H3C2: variants seen among roughly 807,000 people sequenced by gnomAD.
The protein encoded by H3C2 is histone H3.1.
A neutral mutation model predicts 8.7 loss-of-function variants in H3C2; 13 were observed. That is an observed-to-expected ratio of 1.49 (90% CI 0.97 to 2.37). The LOEUF (loss-of-function observed/expected upper bound fraction) is 2.37. Ranked by LOEUF, H3C2 falls within the 30% of genes most tolerant of loss-of-function variation. The probability of loss-of-function intolerance (pLI) is 0.00; values close to 1 mark genes in which losing one functional copy is unlikely to be tolerated. For synonymous variants in H3C2, 166 were observed against 77.6 expected, an observed-to-expected ratio of 2.14 and a Z score of -5.99; for missense variants, 144 against 190.4, an observed-to-expected ratio of 0.76 and a Z score of 1.44.
At position 26,031,701 on chromosome 6, in the gene H3C2, A is replaced by G. The variant is rs1021682747; in HGVS notation, c.360T>C (p.Ile120=). ...GAGCGAGCTGGATGTCTTTGGGCAT[A>G]ATAGTCACTCGCTTAGCATGGATGG... The part of the protein sequence containing the change: ...LCAIHAKRVT[I]MPKDIQLARR... Residue 120 remains isoleucine (I), a synonymous_variant, in exon 1 of 1, where the codon ATT becomes ATC. Transcript: ENST00000621411. The G allele has an allele frequency of 3.0e-5, 48 of 1,614,204 alleles. No individual in the cohort carries two copies. The highest frequency in any genetic ancestry group is 6.7e-5 in the Admixed American group (4 of 60,016).
rs761987121 is a variant in H3C2 at position 26,031,725 on chromosome 6, G to T, written c.336C>A (p.Ala112=). 3 of 1,614,114 alleles carry T rather than the reference G, an allele frequency of 1.9e-6. No individual in the cohort carries two copies. The Admixed American group carries it at 5.0e-5, about 27-fold the overall frequency. Residue 112 remains alanine, a synonymous_variant, in exon 1 of 1, where the codon GCC becomes GCA. Transcript: ENST00000621411. ...TAATAGTCACTCGCTTAGCATGGAT[G>T]GCGCAAAGGTTTGTGTCCTCAAAGA... is the stretch of plus-strand genomic sequence containing the variant. ...VGLFEDTNLC[A]IHAKRVTIMP...
rs538334250 is a variant in H3C2 at position 26,032,061 on chromosome 6, G to T, written c.-1C>A. ...GAGCTGTCTGTTTAGTACGAGCCAT[G>T]GCAAAACCACAGAAAAGCTTGCCTG... is the stretch of plus-strand genomic sequence containing the variant. On this transcript the variant is annotated 5_prime_UTR_variant, in exon 1 of 1. Coordinates refer to ENST00000621411, the MANE Select transcript of H3C2 (RefSeq NM_003537.4). The T allele has an allele frequency of 3.1e-6, 5 of 1,605,624 alleles. No homozygotes were observed. The East Asian group carries it at 6.7e-5, about 21-fold the overall frequency.
chr6:26,031,841 C>A lies in H3C2; in HGVS notation c.220G>T (p.Glu74Ter). The A allele has an allele frequency of 6.2e-7, 1 of 1,614,252 alleles. No homozygotes were observed. Among genetic ancestry groups the A allele is most frequent in the Non-Finnish European group, 8.5e-7 (1 of 1,180,048 alleles). Reference protein sequence around the residue: ...RKLPFQRLVREIAQDFKTDLR... With the variant: ...RKLPFQRLVR Reference sequence around the variant, plus strand: ...TCGGTCTTGAAGTCTTGGGCGATTTCTCGCACCAGGCGCTGGAACGGCAGC... The same window carrying A: ...TCGGTCTTGAAGTCTTGGGCGATTTATCGCACCAGGCGCTGGAACGGCAGC... The change falls in exon 1 of 1, where the codon GAA (glutamate) becomes TAA (stop). Residue 74 changes from glutamate (E) to a stop codon, truncating the protein, a stop_gained. Coordinates refer to ENST00000621411, the MANE Select transcript of H3C2 (RefSeq NM_003537.4). LOFTEE classifies it high-confidence loss of function.
rs756087316 is a variant in H3C2 at position 26,031,820 on chromosome 6, T to C, written c.241A>G (p.Thr81Ala). 1.2e-6 allele frequency: 2 copies of C among 1,614,160 alleles called. No homozygotes were observed. The highest frequency in any genetic ancestry group is 1.7e-5 in the Admixed American group (1 of 60,028). Reference sequence around the variant, plus strand: ...GCAGAGCTCTGGAAGCGAAGATCGGTCTTGAAGTCTTGGGCGATTTCTCGC... The same window carrying C: ...GCAGAGCTCTGGAAGCGAAGATCGGCCTTGAAGTCTTGGGCGATTTCTCGC... ...LVREIAQDFK[T>A]DLRFQSSAVM... The change falls in exon 1 of 1, where the codon ACC (threonine) becomes GCC (alanine). Residue 81 changes from threonine to alanine, a missense_variant. By Grantham distance (58) the Thr-to-Ala change is moderately conservative. Transcript: ENST00000621411.
chr6:26,031,797 A>C lies in H3C2; in HGVS notation c.264T>G (p.Ser88=), dbSNP rs761309353. 1 of 1,614,128 alleles carries C rather than the reference A, an allele frequency of 6.2e-7. No homozygotes were observed. Among genetic ancestry groups the C allele is most frequent in the African/African-American group, 1.3e-5 (1 of 74,944 alleles). The change falls in exon 1 of 1, where the codon TCT becomes TCG. Residue 88 remains serine (S), a synonymous_variant. Transcript: ENST00000621411. The part of the protein sequence containing the change: ...DFKTDLRFQS[S]AVMALQEACE... ...AAGCCTCCTGCAGCGCCATCACCGC[A>C]GAGCTCTGGAAGCGAAGATCGGTCT...
In H3C2 at chr6:26,031,595, G is replaced by C. The variant is rs1230866071; in HGVS notation, c.*55C>G. ...CAGCTACTTTCGTTGGAATAAGTGG[G>C]TGGCTCTGAAAAGAGCCTTTGGGTT... is the stretch of plus-strand genomic sequence containing the variant. On this transcript the variant is annotated 3_prime_UTR_variant, in exon 1 of 1. Transcript: ENST00000621411. 2 of 1,542,938 alleles carry C rather than the reference G, an allele frequency of 1.3e-6. 1 individual carries two copies. The highest frequency in any genetic ancestry group is 1.8e-6 in the Non-Finnish European group (2 of 1,133,130).
In H3C2 at chr6:26,031,627, CT is replaced by C; in HGVS notation, c.*22del. 6.2e-7 allele frequency: 1 copy of C among 1,607,190 alleles called. No homozygotes were observed. The highest frequency in any genetic ancestry group is 1.3e-5 in the African/African-American group (1 of 74,378). Reference sequence around the variant, plus strand: ...TGAAAAGAGCCTTTGGGTTTTAAGACTGATGAAAAAGTGACTTTACATTTAC... The same window carrying C: ...TGAAAAGAGCCTTTGGGTTTTAAGACGATGAAAAAGTGACTTTACATTTAC... On this transcript the variant is annotated 3_prime_UTR_variant, in exon 1 of 1. Coordinates refer to ENST00000621411, the MANE Select transcript of H3C2 (RefSeq NM_003537.4).
rs1188292385 is a variant in H3C2 at position 26,031,789 on chromosome 6, A to G, written c.272T>C (p.Met91Thr). The change falls in exon 1 of 1, where the codon ATG becomes ACG. Residue 91 changes from methionine to threonine, a missense_variant. Met to Thr is a moderately conservative substitution (Grantham distance 81, BLOSUM62 -1). Transcript: ENST00000621411. ...TDLRFQSSAV[M>T]ALQEACEAYL... ...GGCCTCACAAGCCTCCTGCAGCGCCATCACCGCAGAGCTCTGGAAGCGAAG... is the reference window on the plus strand; with the variant it reads ...GGCCTCACAAGCCTCCTGCAGCGCCGTCACCGCAGAGCTCTGGAAGCGAAG... The G allele has an allele frequency of 1.9e-6, 3 of 1,614,136 alleles. No individual in the cohort carries two copies. Among genetic ancestry groups the G allele is most frequent in the Non-Finnish European group, 1.7e-6 (2 of 1,180,052 alleles).
rs940297172 is a variant in H3C2 at position 26,031,854 on chromosome 6, C to T, written c.207G>A (p.Gln69=). The stretch of plus-strand genomic sequence containing the variant: ...CTTGGGCGATTTCTCGCACCAGGCG[C>T]TGGAACGGCAGCTTCCGAATCAGCA... ...TELLIRKLPF[Q]RLVREIAQDF... Residue 69 remains glutamine, a synonymous_variant, in exon 1 of 1, where the codon CAG becomes CAA. Coordinates refer to ENST00000621411, the MANE Select transcript of H3C2 (RefSeq NM_003537.4). 6.2e-7 allele frequency: 1 copy of T among 1,614,272 alleles called. No individual in the cohort carries two copies. The highest frequency in any genetic ancestry group is 8.5e-7 in the Non-Finnish European group (1 of 1,180,052).
rs1346048271 is a variant in H3C2, at chr6:26,031,844, G to C, written c.217C>G (p.Arg73Gly). Reference protein sequence around the residue: ...IRKLPFQRLVREIAQDFKTDL... With the variant: ...IRKLPFQRLVGEIAQDFKTDL... ...GTCTTGAAGTCTTGGGCGATTTCTC[G>C]CACCAGGCGCTGGAACGGCAGCTTC... The change falls in exon 1 of 1, where the codon CGA (arginine) becomes GGA (glycine). Residue 73 changes from arginine (R) to glycine (G), a missense_variant. Arg to Gly is a moderately radical substitution (Grantham distance 125). Coordinates refer to ENST00000621411, the MANE Select transcript of H3C2 (RefSeq NM_003537.4). 6.2e-7 allele frequency: 1 copy of C among 1,614,118 alleles called. No individual in the cohort carries two copies. Among genetic ancestry groups the C allele is most frequent in the Non-Finnish European group, 8.5e-7 (1 of 1,180,046 alleles).
In H3C2 at chr6:26,031,985, C is replaced by T. The variant is rs938652819; in HGVS notation, c.76G>A (p.Ala26Thr). ...APRKQLATKA[A>T]RKSAPATGGV... ...CCGGTAGCCGGCGCGCTCTTGCGAG[C>T]AGCCTTGGTAGCCAGCTGCTTGCGT... The change falls in exon 1 of 1, where the codon GCT becomes ACT. Residue 26 changes from alanine (A) to threonine (T), a missense_variant. Physicochemically the swap from Ala to Thr is moderately conservative, Grantham distance 58. Coordinates refer to ENST00000621411, the MANE Select transcript of H3C2 (RefSeq NM_003537.4). The T allele has an allele frequency of 6.2e-7, 1 of 1,614,030 alleles. No individual in the cohort carries two copies. Among genetic ancestry groups the T allele is most frequent in the Non-Finnish European group, 8.5e-7 (1 of 1,180,046 alleles).
rs1452431549 is a variant in H3C2 at position 26,031,872 on chromosome 6, A to T, written c.189T>A (p.Ile63=). The T allele has an allele frequency of 6.2e-7, 1 of 1,614,246 alleles. No individual in the cohort carries two copies. The highest frequency in any genetic ancestry group is 8.5e-7 in the Non-Finnish European group (1 of 1,180,048). The change falls in exon 1 of 1, where the codon ATT becomes ATA. Residue 63 remains isoleucine (I), a synonymous_variant. Transcript: ENST00000621411. ...RRYQKSTELL[I]RKLPFQRLVR... is the part of the protein sequence containing the mutation. ...CCAGGCGCTGGAACGGCAGCTTCCG[A>T]ATCAGCAACTCGGTCGACTTTTGGT...
Position 26,031,601 on chromosome 6 carries a change from C to T in H3C2, c.*49G>A, listed in dbSNP as rs1301543434. 1 of 1,579,204 alleles carries T rather than the reference C, an allele frequency of 6.3e-7. No homozygotes were observed. The highest frequency in any genetic ancestry group is 8.6e-7 in the Non-Finnish European group (1 of 1,162,902). ...CTTTCGTTGGAATAAGTGGGTGGCT[C>T]TGAAAAGAGCCTTTGGGTTTTAAGA... On this transcript the variant is annotated 3_prime_UTR_variant, in exon 1 of 1. Coordinates refer to ENST00000621411, the MANE Select transcript of H3C2 (RefSeq NM_003537.4).
chr6:26,031,856 G>T lies in H3C2; in HGVS notation c.205C>A (p.Gln69Lys), dbSNP rs2113678347. The change falls in exon 1 of 1, where the codon CAG becomes AAG. Residue 69 changes from glutamine to lysine, a missense_variant. By Grantham distance (53) the Gln-to-Lys change is moderately conservative. Transcript: ENST00000621411. ...TGGGCGATTTCTCGCACCAGGCGCTGGAACGGCAGCTTCCGAATCAGCAAC... is the reference window on the plus strand; with the variant it reads ...TGGGCGATTTCTCGCACCAGGCGCTTGAACGGCAGCTTCCGAATCAGCAAC... ...TELLIRKLPF[Q>K]RLVREIAQDF... The T allele has an allele frequency of 6.2e-7, 1 of 1,614,256 alleles. No individual in the cohort carries two copies. The highest frequency in any genetic ancestry group is 1.3e-5 in the African/African-American group (1 of 75,078).
Position 26,031,645 on chromosome 6 carries a change from T to TAC in H3C2, c.*3_*4dup. ...TTTAAGACTGATGAAAAAGTGACTTTACATTTACGCTCTTTCTCCGCGAAT... is the reference window on the plus strand; with the variant it reads ...TTTAAGACTGATGAAAAAGTGACTTTACACATTTACGCTCTTTCTCCGCGAAT... On this transcript the variant is annotated 3_prime_UTR_variant, in exon 1 of 1. Transcript: ENST00000621411. 2 of 1,611,784 alleles carry TAC rather than the reference T, an allele frequency of 1.2e-6. No individual in the cohort carries two copies. Among genetic ancestry groups the TAC allele is most frequent in the Non-Finnish European group, 1.7e-6 (2 of 1,179,494 alleles).
chr6:26,032,010 T>A lies in H3C2; in HGVS notation c.51A>T (p.Pro17=), dbSNP rs770313017. 1.2e-6 allele frequency: 2 copies of A among 1,613,842 alleles called. No homozygotes were observed. Among genetic ancestry groups the A allele is most frequent in the African/African-American group, 1.3e-5 (1 of 75,040 alleles). ...TARKSTGGKA[P]RKQLATKAAR... ...CAGCCTTGGTAGCCAGCTGCTTGCGTGGCGCTTTACCGCCGGTGGATTTCC... is the reference window on the plus strand; with the variant it reads ...CAGCCTTGGTAGCCAGCTGCTTGCGAGGCGCTTTACCGCCGGTGGATTTCC... The change falls in exon 1 of 1, where the codon CCA becomes CCT. Residue 17 remains proline (P), a synonymous_variant. Coordinates refer to ENST00000621411, the MANE Select transcript of H3C2 (RefSeq NM_003537.4).
Position 26,032,069 on chromosome 6 carries a change from C to A in H3C2, c.-9G>T, listed in dbSNP as rs768539488. ...TGTTTAGTACGAGCCATGGCAAAACCACAGAAAAGCTTGCCTGCAGAGACG... is the reference window on the plus strand; with the variant it reads ...TGTTTAGTACGAGCCATGGCAAAACAACAGAAAAGCTTGCCTGCAGAGACG... On this transcript the variant is annotated 5_prime_UTR_variant, in exon 1 of 1. Transcript: ENST00000621411. 3.7e-6 allele frequency: 6 copies of A among 1,601,736 alleles called. No individual in the cohort carries two copies. In the African/African-American group the frequency reaches 6.7e-5, roughly 18 times the overall value.
Position 26,031,956 on chromosome 6 carries a change from G to A in H3C2, c.105C>T (p.Gly35=), listed in dbSNP as rs746551741. Residue 35 remains glycine (G), a synonymous_variant, in exon 1 of 1, where the codon GGC becomes GGT. Coordinates refer to ENST00000621411, the MANE Select transcript of H3C2 (RefSeq NM_003537.4). ...GGCGGTAACGGTGAGGCTTTTTCAC[G>A]CCGCCGGTAGCCGGCGCGCTCTTGC... ...AARKSAPATG[G]VKKPHRYRPG... is the part of the protein sequence containing the mutation. The A allele has an allele frequency of 5.6e-6, 9 of 1,613,936 alleles. No individual in the cohort carries two copies. The highest frequency in any genetic ancestry group is 1.7e-5 in the Admixed American group (1 of 60,006).
At position 26,031,728 on chromosome 6, in the gene H3C2, G is replaced by A. The variant is rs1333647122; in HGVS notation, c.333C>T (p.Cys111=). 6.8e-6 allele frequency: 11 copies of A among 1,614,266 alleles called. No individual in the cohort carries two copies. Among genetic ancestry groups the A allele is most frequent in the Admixed American group, 1.7e-5 (1 of 60,038 alleles). The change falls in exon 1 of 1, where the codon TGC becomes TGT. Residue 111 remains cysteine, a synonymous_variant. Coordinates refer to ENST00000621411, the MANE Select transcript of H3C2 (RefSeq NM_003537.4). ...TAGTCACTCGCTTAGCATGGATGGCGCAAAGGTTTGTGTCCTCAAAGAGCC... is the reference window on the plus strand; with the variant it reads ...TAGTCACTCGCTTAGCATGGATGGCACAAAGGTTTGTGTCCTCAAAGAGCC... ...LVGLFEDTNL[C]AIHAKRVTIM...
Sources: gnomAD v4.1 joint callset for allele counts on GRCh38, gnomAD v4.1.1 for gene constraint, MANE v1.5 for transcripts, NCBI Gene and HGNC (gene_info 2026-07-23, HGNC 2026-07-21) for gene names.